Variants in THEMIS observed in about 807,000 individuals in gnomAD.
THEMIS encodes protein THEMIS.
A neutral mutation model predicts 52.6 loss-of-function variants in THEMIS; 37 were observed. The ratio of observed to expected loss-of-function variants is 0.70; its 90% confidence interval spans 0.54 to 0.93. The LOEUF is 0.93. Among genes scored for constraint, THEMIS ranks in the 40% least tolerant of loss-of-function variants. The pLI, the probability that THEMIS is intolerant of heterozygous loss-of-function variation, is 0.00. For synonymous variants in THEMIS, 292 were observed against 272.7 expected (o/e 1.07, Z -0.70); for missense variants, 808 against 763.1 (o/e 1.06, Z -0.69).
intron 2 of THEMIS, among the ~76,000 whole-genome samples, chr6:127,836,358 A>C (rs1778874686): frequency 6.6e-6 from 1 of 152,164 alleles, no homozygotes; most frequent in Admixed American, 6.5e-5. Context: ...TCTGGTGTGA[A>C]GGGTGAAAAC....
intron 2 of THEMIS, among the ~76,000 whole-genome samples, chr6:127,852,337 A>G (rs926095313): frequency 1.3e-5 from 2 of 151,622 alleles, no homozygotes; most frequent in African/African-American, 4.8e-5. Context: ...AAAACTAGAA[A>G]GAAGATACAC....
chr6:127,891,006 A>G (rs1419548998), intron 1 of THEMIS, among the ~76,000 whole-genome samples: 1 of 152,030 alleles, frequency 6.6e-6, no homozygotes, highest in Non-Finnish European at 1.5e-5. Context: ...TCTGTGCCCA[A>G]GTTGGATTTT....
At chr6:127,744,434 C>T (rs937621050) in intron 4 of THEMIS, among the ~76,000 whole-genome samples, 3 of 151,932 alleles carry the variant, frequency 2.0e-5, no homozygotes, top group African/African-American at 7.2e-5. Flanking sequence ...TCCATATGTC[C>T]ATCGACAGAA....
chr6:127,739,563 C>A (rs1289636669), intron 4 of THEMIS, among the ~76,000 whole-genome samples: 1 of 152,090 alleles, frequency 6.6e-6, no homozygotes, highest in African/African-American at 2.4e-5. Context: ...ATGGTGTGAA[C>A]CCGGGAGGCG....
intron 1 of THEMIS, among the ~76,000 whole-genome samples, chr6:127,878,524 T>G (rs1451703880): frequency 6.6e-6 from 1 of 152,156 alleles, no homozygotes; most frequent in Non-Finnish European, 1.5e-5. Context: ...CCTTCAGGTT[T>G]ATGGGGTAAG....
At chr6:127,772,270 A>G (rs912450844) in intron 4 of THEMIS, among the ~76,000 whole-genome samples, 2 of 151,988 alleles carry the variant, frequency 1.3e-5, no homozygotes, top group African/African-American at 4.8e-5. Context: ...AAGGCACAAG[A>G]TAATTATTTT....
chr6:127,893,931 A>C (rs1367141065), intron 1 of THEMIS, among the ~76,000 whole-genome samples: 1 of 152,152 alleles, frequency 6.6e-6, no homozygotes, highest in Non-Finnish European at 1.5e-5. Flanking sequence ...GAAAGCTGGA[A>C]TAGTAACATT....
chr6:127,877,689 C>A (rs1432580898), intron 1 of THEMIS, among the ~76,000 whole-genome samples: 6 of 152,098 alleles, frequency 3.9e-5, no homozygotes, highest in Admixed American at 2.0e-4. Flanking sequence ...CATCAAAGAT[C>A]ATTGATTGCA....
intron 2 of THEMIS, among the ~76,000 whole-genome samples, chr6:127,840,268 T>C (rs1277702710): frequency 6.6e-6 from 1 of 152,116 alleles, no homozygotes; most frequent in African/African-American, 2.4e-5. Context: ...ATTGTATAAA[T>C]GGCCATGTTC....
intron 4 of THEMIS, among the ~76,000 whole-genome samples, chr6:127,721,209 G>A (rs936333238): frequency 6.6e-6 from 1 of 151,970 alleles, no homozygotes; most frequent in Non-Finnish European, 1.5e-5. Flanking sequence ...AGACGTTTGG[G>A]TGAAACCAGT....
intron 1 of THEMIS, among the ~76,000 whole-genome samples, chr6:127,885,808 C>T (rs930410030): frequency 6.6e-6 from 1 of 152,106 alleles, no homozygotes; most frequent in Non-Finnish European, 1.5e-5. Context: ...CACAACTATG[C>T]TTTGACTTTT....
chr6:127,840,422 T>C (rs1779007887), intron 2 of THEMIS, among the ~76,000 whole-genome samples: 1 of 152,120 alleles, frequency 6.6e-6, no homozygotes, highest in African/African-American at 2.4e-5. Flanking sequence ...TGTGTCTATA[T>C]GTATGCATGT....
chr6:127,773,266 A>G (rs1776447246), intron 4 of THEMIS, among the ~76,000 whole-genome samples: 1 of 152,192 alleles, frequency 6.6e-6, no homozygotes, highest in African/African-American at 2.4e-5. Flanking sequence ...TTAGAGTACC[A>G]GCTTATTAAA....
chr6:127,715,064 T>C (rs1233673900), intron 5 of THEMIS, among the ~76,000 whole-genome samples: 1 of 151,948 alleles, frequency 6.6e-6, no homozygotes, highest in African/African-American at 2.4e-5. Context: ...ATGAAATGAC[T>C]GTGGGTTCTC....
chr6:127,721,441 T>C (rs1774358837), intron 4 of THEMIS, among the ~76,000 whole-genome samples: 1 of 152,050 alleles, frequency 6.6e-6, no homozygotes, highest in Non-Finnish European at 1.5e-5. Context: ...GACTCCAAAT[T>C]ATTCAAACAC....
rs560759502 is a variant in THEMIS at position 127,709,718 on chromosome 6, T to A, written c.*267A>T. ...TAGTAGAAATAAGAATCTGAAAAAA[T>A]GTGCAAGTTAAATAAATACGTCCTA... On this transcript the variant is annotated 3_prime_UTR_variant, in exon 6 of 6. Transcript: ENST00000368248. 1.2e-3 allele frequency: 374 copies of A among 318,848 alleles called. 1 individual carries two copies. The highest frequency in any genetic ancestry group is 0.011 in the South Asian group (85 of 7,724). 19.8% of individuals were successfully genotyped at this position (318,848 alleles called of 1,614,324 possible). A position where few individuals can be genotyped will look rare whatever the true frequency, so the allele number is the denominator to read the frequency against.
intron 2 of THEMIS, among the ~76,000 whole-genome samples, chr6:127,852,427 ATTC>A (rs2114282753): frequency 6.6e-6 from 1 of 151,684 alleles, no homozygotes; most frequent in South Asian, 2.1e-4. Context: ...TAGAAAATAT[ATTC>A]TTCTCAAGTG....
At chr6:127,880,414 G>A (rs1780445588) in intron 1 of THEMIS, among the ~76,000 whole-genome samples, 2 of 151,910 alleles carry the variant, frequency 1.3e-5, no homozygotes, top group South Asian at 2.1e-4. Context: ...TTAGATAGAT[G>A]GGTTAGGACA....
chr6:127,871,254 T>A (rs535870461), intron 1 of THEMIS, among the ~76,000 whole-genome samples: 20 of 151,664 alleles, frequency 1.3e-4, no homozygotes, highest in South Asian at 6.2e-4. Flanking sequence ...AGAAAAAAAA[T>A]TTTATATATG....
Sources: allele counts gnomAD v4.1 joint callset (sites outside exome capture counted in the v4.1 genomes callset), GRCh38; gene constraint gnomAD v4.1.1; transcripts MANE v1.5; gene names NCBI Gene and HGNC (gene_info 2026-07-23, HGNC 2026-07-21).